Variants in ITK observed in about 807,000 individuals in gnomAD.
The protein encoded by ITK is tyrosine-protein kinase ITK/TSK.
A neutral mutation model predicts 87.6 loss-of-function variants in ITK; 45 were observed. The ratio of observed to expected loss-of-function variants is 0.51; its 90% CI spans 0.40 to 0.66. ITK has a LOEUF of 0.66. Ranked by LOEUF, ITK falls within the 30% of genes least tolerant of loss-of-function variation. The probability of loss-of-function intolerance (pLI) is 0.00; values close to 1 mark genes in which losing one functional copy is unlikely to be tolerated. For missense variants in ITK, 605 were observed against 766.3 expected, an observed-to-expected ratio of 0.79 and a Z score of 2.48; for synonymous variants, 303 against 273.6, an observed-to-expected ratio of 1.11 and a Z score of -1.06.
Position 157,252,611 on chromosome 5 carries a change from C to G in ITK, c.1796C>G (p.Pro599Arg), listed in dbSNP as rs768887325. 1.2e-6 allele frequency: 2 copies of G among 1,613,712 alleles called. No individual in the cohort carries two copies. Among genetic ancestry groups the G allele is most frequent in the South Asian group, 2.2e-5 (2 of 91,072 alleles). Reference sequence around the variant, plus strand: ...AGTTCTTTTTTCCCTCTCCAGAGACCAGAAGATCGGCCAGCCTTCTCCAGA... The same window carrying G: ...AGTTCTTTTTTCCCTCTCCAGAGACGAGAAGATCGGCCAGCCTTCTCCAGA... ...QIMNHCWKER[P>R]EDRPAFSRLL... The change falls in exon 17 of 17, where the codon CCA becomes CGA. Residue 599 changes from proline (P) to arginine (R), a missense_variant. This residue lies in a region of ITK where 71 missense variants were observed against 65.8 expected (regional missense o/e 1.08). Transcript: ENST00000422843.
intron 1 of ITK, among the ~76,000 whole-genome samples, chr5:157,194,792 G>C (rs1247486847): frequency 2.0e-5 from 3 of 152,166 alleles, no homozygotes; most frequent in Non-Finnish European, 4.4e-5. Context: ...ATTTGTTTAT[G>C]TGGAAAAAAT....
intron 1 of ITK, among the ~76,000 whole-genome samples, chr5:157,193,638 T>C (rs553774428): frequency 6.6e-6 from 1 of 152,330 alleles, no homozygotes; most frequent in East Asian, 1.9e-4. Context: ...AGGTTACACA[T>C]ATAGGACGAA....
At chr5:157,212,871 AG>A (rs145147678) in intron 3 of ITK, among the ~76,000 whole-genome samples, 3,528 of 152,174 alleles carry the variant, frequency 0.023, 132 homozygotes, top group African/African-American at 0.08. Flanking sequence ...AAGAAAAAAA[AG>A]GAATCAAAAG....
rs746701604 is a variant in ITK at position 157,241,658 on chromosome 5, G to A, written c.998G>A (p.Arg333Gln). 1.2e-6 allele frequency: 2 copies of A among 1,613,784 alleles called. No homozygotes were observed. Among genetic ancestry groups the A allele is most frequent in the Non-Finnish European group, 1.7e-6 (2 of 1,179,802 alleles). The change falls in exon 11 of 17, where the codon CGA (arginine) becomes CAA (glutamine). Residue 333 changes from arginine (R) to glutamine (Q), a missense_variant. Physicochemically the swap from Arg to Gln is conservative, Grantham distance 43 (BLOSUM62 1). Coordinates refer to ENST00000422843, the MANE Select transcript of ITK (RefSeq NM_005546.4). ...HQHNGGGLVT[R>Q]LRYPVCFGRQ... Reference sequence around the variant, plus strand: ...TCAATCAACCCAGGCCTGGTGACTCGACTCCGGTATCCAGTTTGTTTTGGG... The same window carrying A: ...TCAATCAACCCAGGCCTGGTGACTCAACTCCGGTATCCAGTTTGTTTTGGG...
At chr5:157,204,351 A>T (rs1388116989) in intron 1 of ITK, among the ~76,000 whole-genome samples, 3 of 152,048 alleles carry the variant, frequency 2.0e-5, no homozygotes, top group Non-Finnish European at 4.4e-5. Flanking sequence ...GCCTGAGCTC[A>T]GGAGTTCCAA....
At position 157,214,776 on chromosome 5, in the gene ITK, A is replaced by G. The variant is rs76999690; in HGVS notation, c.454+457A>G. ...ATGTCTTACAGTGACATCATGTCAC[A>G]CATAAATTTAATTACACAAATTCAA... is the stretch of plus-strand genomic sequence containing the variant. On this transcript the variant is annotated intron_variant, in intron 4 of 16. Transcript: ENST00000422843. 6.8e-3 allele frequency among the ~76,000 whole-genome samples: 1,032 copies of G among 152,316 alleles called. 12 individuals are homozygous for G. Among genetic ancestry groups the G allele is most frequent in the African/African-American group, 0.024 (995 of 41,566 alleles).
At chr5:157,215,358 T>C (rs1022953070) in intron 4 of ITK, among the ~76,000 whole-genome samples, 22 of 152,194 alleles carry the variant, frequency 1.4e-4, no homozygotes, top group African/African-American at 5.1e-4. Context: ...GGCTAGGTTT[T>C]CTGTGGCTTC....
intron 5 of ITK, among the ~76,000 whole-genome samples, chr5:157,218,302 C>T (rs763183309): frequency 4.1e-4 from 62 of 152,066 alleles, no homozygotes; most frequent in Non-Finnish European, 7.6e-4. Flanking sequence ...CCCAGGAGTT[C>T]GAGACCAGCC....
At chr5:157,217,746 C>G (rs545426245) in intron 4 of ITK, 121 bp from the exon 5 acceptor site, 2 of 813,992 alleles carry the variant, frequency 2.5e-6, no homozygotes, top group Non-Finnish European at 4.3e-6. Context: ...CCTTCTGGCC[C>G]CCTTTCTTCT....
Position 157,245,731 on chromosome 5 carries a change from C to T in ITK, c.1455C>T (p.Ala485=), listed in dbSNP as rs201568204. ...EACVIHRDLA[A]RNCLVGENQV... Reference sequence around the variant, plus strand: ...TTTGCCTGTCTCCTCTCCAGGCTGCCAGAAATTGTTTGGTGGGAGAAAACC... The same window carrying T: ...TTTGCCTGTCTCCTCTCCAGGCTGCTAGAAATTGTTTGGTGGGAGAAAACC... Residue 485 remains alanine (A), a synonymous_variant, in exon 14 of 17, where the codon GCC becomes GCT. Transcript: ENST00000422843. 1,119 of 1,614,056 alleles carry T rather than the reference C, an allele frequency of 6.9e-4. 3 individuals carry two copies. Among genetic ancestry groups the T allele is most frequent in the Non-Finnish European group, 9.0e-4 (1,064 of 1,179,962 alleles).
In ITK at chr5:157,252,747, A is replaced by G. The variant is rs1755168322; in HGVS notation, c.*69A>G. 8.1e-7 allele frequency: 1 copy of G among 1,230,668 alleles called. No homozygotes were observed. The highest frequency in any genetic ancestry group is 1.7e-5 in the Admixed American group (1 of 59,434). The allele number at this position is 1,230,668 out of a possible 1,614,324, so 76.2% of individuals were successfully genotyped here. A position where few individuals can be genotyped will look rare whatever the true frequency, so the allele number is the denominator to read the frequency against. On this transcript the variant is annotated 3_prime_UTR_variant, in exon 17 of 17. Transcript: ENST00000422843. ...GGAAGGATATGTCCTCATTCCATAG[A>G]GCATTAGAAGCTGCCACCAGCCCAG...
intron 1 of ITK, among the ~76,000 whole-genome samples, chr5:157,191,142 T>C (rs1250975088): frequency 6.6e-6 from 1 of 152,042 alleles, no homozygotes; most frequent in Non-Finnish European, 1.5e-5. Flanking sequence ...TTTATTTATT[T>C]TATTTTTTTA....
Position 157,232,447 on chromosome 5 carries a change from T to C in ITK, c.768+53T>C, listed in dbSNP as rs189574751. 2.0e-4 allele frequency: 195 copies of C among 973,858 alleles called. 1 individual carries two copies. The African/African-American group carries it at 2.7e-3, about 14-fold the overall frequency. The allele number at this position is 973,858 out of a possible 1,614,324, so 60.3% of individuals were successfully genotyped here. A position where few individuals can be genotyped will look rare whatever the true frequency, so the allele number is the denominator to read the frequency against. On this transcript the variant is annotated intron_variant, in intron 8 of 16. Transcript: ENST00000422843. ...ATAAAATAAAATGAATTAAGTGCAC[T>C]GTCTCATGTCTGGAATCCCAGCGAT...
chr5:157,233,490 A>C (rs963362032), intron 8 of ITK, among the ~76,000 whole-genome samples: 1 of 152,162 alleles, frequency 6.6e-6, no homozygotes, highest in African/African-American at 2.4e-5. Context: ...TGGGTTCCCC[A>C]AAAAAACACA....
Position 157,244,298 on chromosome 5 carries a change from G to T in ITK, c.1269G>T (p.Gly423=). 3 of 1,614,060 alleles carry T rather than the reference G, an allele frequency of 1.9e-6. No individual in the cohort carries two copies. The highest frequency in any genetic ancestry group is 1.7e-6 in the Non-Finnish European group (2 of 1,180,014). Residue 423 remains glycine, a synonymous_variant, in exon 13 of 17, where the codon GGG becomes GGT. Coordinates refer to ENST00000422843, the MANE Select transcript of ITK (RefSeq NM_005546.4). ...ATCCCAAACTGGTGCAGCTGTATGG[G>T]GTGTGCCTGGAGCAGGCCCCCATCT... The part of the protein sequence containing the change: ...LSHPKLVQLY[G]VCLEQAPICL...
intron 1 of ITK, among the ~76,000 whole-genome samples, chr5:157,192,482 G>A (rs909421458): frequency 6.6e-6 from 1 of 152,254 alleles, no homozygotes; most frequent in Non-Finnish European, 1.5e-5. Context: ...AGCGGATGAG[G>A]TGAGCAAGGA....
intron 15 of ITK, among the ~76,000 whole-genome samples, chr5:157,246,793 CTTGGT>C (rs1755027373): frequency 1.3e-5 from 2 of 152,114 alleles, no homozygotes; most frequent in Admixed American, 1.3e-4. Flanking sequence ...AGTGCAAAAA[CTTGGT>C]GCATCCAAAG....
At chr5:157,209,718 T>C (rs1023201069) in intron 2 of ITK, among the ~76,000 whole-genome samples, 1 of 152,152 alleles carries the variant, frequency 6.6e-6, no homozygotes, top group East Asian at 1.9e-4. Flanking sequence ...GATTCAGATT[T>C]TATAATCTGA....
intron 8 of ITK, among the ~76,000 whole-genome samples, chr5:157,233,619 C>T (rs1754702597): frequency 6.6e-6 from 1 of 152,108 alleles, no homozygotes; most frequent in Non-Finnish European, 1.5e-5. Context: ...GTTAAATTTA[C>T]AATGCAAATG....
Sources: gnomAD v4.1 joint callset for allele counts (sites outside exome capture counted in the v4.1 genomes callset) on GRCh38, gnomAD v4.1.1 for gene constraint, gnomAD v4.1.1 regional missense constraint, MANE v1.5 for transcripts, NCBI Gene and HGNC (gene_info 2026-07-23, HGNC 2026-07-21) for gene names.